The following HERC2 variants were observed in gnomAD, a reference collection of about 807,000 sequenced individuals.
The protein encoded by HERC2 is E3 ubiquitin-protein ligase HERC2.
HERC2 carries 102 observed loss-of-function variants against 537.7 expected under a neutral mutation model. The observed-to-expected ratio is 0.19, with a 90% confidence interval of 0.16 to 0.22. The LOEUF (loss-of-function observed/expected upper bound fraction) is 0.22. HERC2 is among the 10% of genes least tolerant of loss of function. The pLI is 1.00. For synonymous variants in HERC2, 2,224 were observed against 2,466.2 expected (o/e 0.90, Z 2.91); for missense variants, 4,236 against 6,198.2 (o/e 0.68, Z 10.63).
At chr15:28,170,433 T>C (rs1894576908) in intron 65 of HERC2, among the ~76,000 whole-genome samples, 1 of 152,196 alleles carries the variant, frequency 6.6e-6, no homozygotes, top group Non-Finnish European at 1.5e-5. Flanking sequence ...CCTTTCGGCA[T>C]ATGGTGGTGG....
At chr15:28,280,374 G>A (rs2141051007) in intron 4 of HERC2, 87 bp from the exon 5 acceptor site, 5 of 1,094,590 alleles carry the variant, frequency 4.6e-6, no homozygotes, top group East Asian at 2.5e-5. Flanking sequence ...GATGACGACA[G>A]GTAGTACTCG....
At chr15:28,287,663 C>T (rs1247832138) in intron 4 of HERC2, among the ~76,000 whole-genome samples, 2 of 150,678 alleles carry the variant, frequency 1.3e-5, no homozygotes, top group Non-Finnish European at 3.0e-5. Flanking sequence ...TCTCTAAGTA[C>T]TTTCACTTAT....
In HERC2 at chr15:28,213,757, C is replaced by G. The variant is rs1262370780; in HGVS notation, c.6771G>C (p.Leu2257Phe). 19 of 1,613,740 alleles carry G rather than the reference C, an allele frequency of 1.2e-5. No individual in the cohort carries two copies. The highest frequency in any genetic ancestry group is 3.3e-5 in the Admixed American group (2 of 60,000). Reference protein sequence around the residue: ...SDMRTCRVCPLNQLKPLPAVA... With the variant: ...SDMRTCRVCPFNQLKPLPAVA... ...GTTCACCTACTGGTTTCAGCTGATTCAATGGGCAAACGCGACACGTCCGCA... is the reference window on the plus strand; with the variant it reads ...GTTCACCTACTGGTTTCAGCTGATTGAATGGGCAAACGCGACACGTCCGCA... Residue 2257 changes from leucine (L) to phenylalanine (F), a missense_variant, in exon 42 of 93, where the codon TTG becomes TTC. By Grantham distance (22) the Leu-to-Phe change is conservative (BLOSUM62 0). Transcript: ENST00000261609.
rs112843833 is a variant in HERC2 at position 28,207,286 on chromosome 15, C to T, written c.7070-904G>A. Among the ~76,000 whole-genome samples, 6 of 152,196 alleles carry T rather than the reference C, an allele frequency of 3.9e-5. No homozygotes were observed. In the South Asian group the frequency reaches 8.3e-4, roughly 21 times the overall value. On this transcript the variant is annotated intron_variant, in intron 44 of 92. Transcript: ENST00000261609. Reference sequence around the variant, plus strand: ...TGTAGCTGGGACTACAGGCACACGCCACCACGCCCGGCTAATTTTTGTATT... The same window carrying T: ...TGTAGCTGGGACTACAGGCACACGCTACCACGCCCGGCTAATTTTTGTATT...
intron 16 of HERC2, among the ~76,000 whole-genome samples, chr15:28,259,255 C>T (rs74738851): frequency 2.6e-5 from 4 of 151,878 alleles, no homozygotes; most frequent in Non-Finnish European, 4.4e-5. Context: ...TCACCAAGCT[C>T]GACGAAATTT....
intron 70 of HERC2, among the ~76,000 whole-genome samples, chr15:28,151,434 A>C (rs1268784595): frequency 6.6e-6 from 1 of 152,168 alleles, no homozygotes; most frequent in Non-Finnish European, 1.5e-5. Flanking sequence ...GCACTACTGC[A>C]CTCCAGCCTG....
rs891006923 is a variant in HERC2, at chr15:28,265,481, A to G, written c.1870+137T>C. On this transcript the variant is annotated intron_variant, in intron 14 of 92. Coordinates refer to ENST00000261609, the MANE Select transcript of HERC2 (RefSeq NM_004667.6). The surrounding 1 kb of genome is among the most constrained non-coding windows in gnomAD (Gnocchi z 4.0). The stretch of plus-strand genomic sequence containing the variant: ...AGTAACCACCCGGGCCTCTTCCCCA[A>G]TGCCACTGAGCCCCACACCCACTGG... 13 of 670,970 alleles carry G rather than the reference A, an allele frequency of 1.9e-5. No individual in the cohort carries two copies. Among genetic ancestry groups the G allele is most frequent in the African/African-American group, 7.2e-5 (4 of 55,382 alleles). The allele number at this position is 670,970 out of a possible 1,614,324, so 41.6% of individuals were successfully genotyped here. A position where few individuals can be genotyped will look rare whatever the true frequency, so the allele number is the denominator to read the frequency against.
intron 12 of HERC2, among the ~76,000 whole-genome samples, 159 bp from the exon 13 acceptor site, chr15:28,266,133 C>T (rs2075561261): frequency 6.6e-6 from 1 of 152,196 alleles, no homozygotes; most frequent in African/African-American, 2.4e-5. Context: ...AGAATTCCAA[C>T]ACCTAACACC....
intron 67 of HERC2, 114 bp from the exon 68 acceptor site, chr15:28,167,941 G>C (rs1397542551): frequency 1.7e-6 from 2 of 1,186,000 alleles, no homozygotes; most frequent in Non-Finnish European, 2.3e-6. Flanking sequence ...TGTTTAGAAT[G>C]TTCCAGATTT....
At chr15:28,130,130 G>A (rs201573521) in intron 83 of HERC2, 33 bp downstream of exon 83, 184 of 1,611,250 alleles carry the variant, frequency 1.1e-4, no homozygotes, top group Middle Eastern at 1.6e-4. Flanking sequence ...AGATTCACAG[G>A]CCTCAGTCCT....
Position 28,228,327 on chromosome 15 carries a change from G to C in HERC2, c.5355C>G (p.Phe1785Leu), listed in dbSNP as rs777775297. 1.2e-5 allele frequency: 20 copies of C among 1,612,462 alleles called. No individual in the cohort carries two copies. The South Asian group carries it at 2.2e-4, about 18-fold the overall frequency. ...TGAGCATGCTGAGCATCACCAGGAG[G>C]AAGCGGGCTTGCGGGATGGTCCCCA... ...PSLGTIPQAR[F>L]LLVMLSMLTL... The change falls in exon 35 of 93, where the codon TTC (phenylalanine) becomes TTG (leucine). Residue 1785 changes from phenylalanine (F) to leucine (L), a missense_variant. Phe to Leu is a conservative substitution (Grantham distance 22, BLOSUM62 0). Coordinates refer to ENST00000261609, the MANE Select transcript of HERC2 (RefSeq NM_004667.6).
intron 21 of HERC2, among the ~76,000 whole-genome samples, chr15:28,247,778 A>G (rs1903869297): frequency 6.6e-6 from 1 of 152,156 alleles, no homozygotes. Flanking sequence ...TGTCTTTAAG[A>G]TGGTCACCTC....
Position 28,272,956 on chromosome 15 carries a change from C to T in HERC2, c.849G>A (p.Leu283=), listed in dbSNP as rs75893088. The change falls in exon 8 of 93, where the codon CTG becomes CTA. Residue 283 remains leucine (L), a synonymous_variant. Transcript: ENST00000261609. The part of the protein sequence containing the change: ...PATKGPGSIP[L]QDQHLALAIL... Reference sequence around the variant, plus strand: ...TGGCCAGGGCCAAGTGCTGGTCCTGCAGGGGGATGCTTCCTGGCCCTTTGG... The same window carrying T: ...TGGCCAGGGCCAAGTGCTGGTCCTGTAGGGGGATGCTTCCTGGCCCTTTGG... 39 of 1,612,330 alleles carry T rather than the reference C, an allele frequency of 2.4e-5. 1 individual carries two copies. In the East Asian group the frequency reaches 8.5e-4, roughly 35 times the overall value.
chr15:28,244,135 G>A lies in HERC2; in HGVS notation c.3577+1746C>T, dbSNP rs1903423382. The stretch of plus-strand genomic sequence containing the variant: ...GCCATGATTGCACCATTGCATTCCA[G>A]CCTGGATGACACAGCAAGACCCTTG... On this transcript the variant is annotated intron_variant, in intron 23 of 92. Transcript: ENST00000261609. Among the ~76,000 whole-genome samples, 3 of 152,080 alleles carry A rather than the reference G, an allele frequency of 2.0e-5. No homozygotes were observed. In the South Asian group the frequency reaches 6.2e-4, roughly 32 times the overall value.
intron 52 of HERC2, among the ~76,000 whole-genome samples, chr15:28,195,133 T>C (rs1302525179): frequency 1.3e-5 from 2 of 152,068 alleles, no homozygotes; most frequent in African/African-American, 4.8e-5. Flanking sequence ...GAACTAAGGT[T>C]TTTGCATTGT....
intron 89 of HERC2, chr15:28,115,218 G>A: frequency 1.9e-6 from 1 of 534,790 alleles, no homozygotes; most frequent in Non-Finnish European, 3.3e-6. Flanking sequence ...TTCCTTATCT[G>A]ACAAGACAGT....
intron 55 of HERC2, among the ~76,000 whole-genome samples, chr15:28,188,225 T>G (rs1896499060): frequency 6.6e-6 from 1 of 152,112 alleles, no homozygotes; most frequent in African/African-American, 2.4e-5. Flanking sequence ...ATCTGGACAC[T>G]GACTGAATAT....
intron 80 of HERC2, 85 bp from the exon 81 acceptor site, chr15:28,132,346 T>C: frequency 7.9e-7 from 1 of 1,270,664 alleles, no homozygotes; most frequent in Non-Finnish European, 1.1e-6. Flanking sequence ...GCCATTCTTT[T>C]TTTATGGGGG....
intron 2 of HERC2, chr15:28,320,612 T>C (rs2077204868): frequency 6.6e-6 from 1 of 151,816 alleles, no homozygotes; most frequent in Non-Finnish European, 1.5e-5. Context: ...CCTTAGGGAG[T>C]AGGAAAATAC....
Sources: allele counts gnomAD v4.1 joint callset (sites outside exome capture counted in the v4.1 genomes callset), GRCh38; gene constraint gnomAD v4.1.1; non-coding constraint Gnocchi (gnomAD v3.1); transcripts MANE v1.5; gene names NCBI Gene and HGNC (gene_info 2026-07-23, HGNC 2026-07-21).